The following KALRN variants were observed in gnomAD, a reference collection of about 807,000 sequenced individuals.
KALRN encodes kalirin RhoGEF kinase, also known as kalirin.
A neutral mutation model predicts 353.7 loss-of-function variants in KALRN; 70 were observed. The ratio of observed to expected loss-of-function variants is 0.20; its 90% CI spans 0.16 to 0.24. KALRN has a LOEUF of 0.24. KALRN is among the 10% of genes least tolerant of loss of function. The probability of loss-of-function intolerance (pLI) is 1.00; values close to 1 mark genes in which losing one functional copy is unlikely to be tolerated. For synonymous variants in KALRN, 1,391 were observed against 1,434.8 expected (o/e 0.97, Z 0.69); for missense variants, 2,791 against 3,756.7 (o/e 0.74, Z 6.72).
chr3:124,559,550 GA>G (rs1483096114), intron 33 of KALRN, among the ~76,000 whole-genome samples: 1 of 152,196 alleles, frequency 6.6e-6, no homozygotes, highest in Non-Finnish European at 1.5e-5. Flanking sequence ...AGTAAGATGA[GA>G]GAAGATTCCA....
intron 1 of KALRN, chr3:124,162,534 A>C (rs985652898): frequency 7.9e-5 from 12 of 152,200 alleles, no homozygotes; most frequent in African/African-American, 2.9e-4. Context: ...TTAAATCACA[A>C]ATCCCTGCTC....
intron 1 of KALRN, among the ~76,000 whole-genome samples, chr3:124,111,973 G>A (rs1388625507): frequency 1.3e-5 from 2 of 151,884 alleles, no homozygotes; most frequent in East Asian, 3.9e-4. Flanking sequence ...CCTGGTAGAG[G>A]TGGGCTGCAG....
At chr3:124,084,372 C>T (rs2060698090) in intron 1 of KALRN, among the ~76,000 whole-genome samples, 1 of 152,200 alleles carries the variant, frequency 6.6e-6, no homozygotes, top group African/African-American at 2.4e-5. Flanking sequence ...CCCAACTTTG[C>T]CCCAAGCTTC....
intron 33 of KALRN, among the ~76,000 whole-genome samples, chr3:124,559,131 G>C (rs2071629817): frequency 6.6e-6 from 1 of 152,228 alleles, no homozygotes; most frequent in Non-Finnish European, 1.5e-5. Context: ...TATGTATGTA[G>C]CGGTCCATGC....
chr3:124,186,822 C>A (rs1184635991), intron 1 of KALRN, among the ~76,000 whole-genome samples: 2 of 152,180 alleles, frequency 1.3e-5, no homozygotes, highest in Non-Finnish European at 2.9e-5. Context: ...GCTCCTGAGG[C>A]CTCATCAGTC....
chr3:124,487,925 C>T (rs547959251), intron 28 of KALRN, among the ~76,000 whole-genome samples: 4 of 152,196 alleles, frequency 2.6e-5, no homozygotes, highest in African/African-American at 7.2e-5. Context: ...AGTCCAGTGA[C>T]AGAGAATGCC....
chr3:124,212,316 TA>T (rs879400421), intron 1 of KALRN, among the ~76,000 whole-genome samples: 277 of 145,280 alleles, frequency 1.9e-3, no homozygotes, highest in Non-Finnish European at 1.7e-3. Context: ...TTCAGAAGGT[TA>T]AAAAAAAAAA....
chr3:124,264,871 G>A (rs985735542), intron 4 of KALRN, among the ~76,000 whole-genome samples, 181 bp downstream of exon 4: 1 of 152,168 alleles, frequency 6.6e-6, no homozygotes, highest in Non-Finnish European at 1.5e-5. Context: ...AGAGGCTCAC[G>A]AGATTGTCCC....
Position 124,584,552 on chromosome 3 carries a change from G to A in KALRN, c.5182+21463G>A, listed in dbSNP as rs2074936416. On this transcript the variant is annotated intron_variant, in intron 34 of 59. Transcript: ENST00000682506. ...TGGTGCCACAGGCAGCGTTACATGA[G>A]GCTCCGGCCGCTGCTGGCCAGGTCT... is the stretch of plus-strand genomic sequence containing the variant. The A allele has an allele frequency of 5.0e-6, 6 of 1,206,952 alleles. No homozygotes were observed. In the East Asian group the frequency reaches 1.9e-4, roughly 39 times the overall value. 74.8% of individuals were successfully genotyped at this position (1,206,952 alleles called of 1,614,324 possible). A position where few individuals can be genotyped will look rare whatever the true frequency, so the allele number is the denominator to read the frequency against.
At chr3:124,071,852 A>T (rs1406446047) in intron 1 of KALRN, among the ~76,000 whole-genome samples, 1 of 152,216 alleles carries the variant, frequency 6.6e-6, no homozygotes, top group Non-Finnish European at 1.5e-5. Flanking sequence ...TTAAACCCAG[A>T]GAAAGAGAGC....
At chr3:124,428,522 C>A (rs915701091) in intron 15 of KALRN, among the ~76,000 whole-genome samples, 10 of 152,100 alleles carry the variant, frequency 6.6e-5, no homozygotes, top group African/African-American at 2.4e-4. Context: ...TTTCTGACTC[C>A]AAATTTTATG....
chr3:124,114,063 G>A (rs892204714), intron 1 of KALRN, among the ~76,000 whole-genome samples: 5 of 152,118 alleles, frequency 3.3e-5, no homozygotes, highest in Non-Finnish European at 7.3e-5. Flanking sequence ...TAAGAGAAAG[G>A]GTTAAAAGGC....
chr3:124,644,563 G>A (rs1053964956), intron 37 of KALRN, among the ~76,000 whole-genome samples: 6 of 151,974 alleles, frequency 3.9e-5, no homozygotes, highest in Admixed American at 3.9e-4. Flanking sequence ...ACTTATGAGT[G>A]AGAACATGCA....
intron 1 of KALRN, among the ~76,000 whole-genome samples, chr3:124,202,406 A>G (rs988190993): frequency 6.6e-6 from 1 of 152,132 alleles, no homozygotes; most frequent in African/African-American, 2.4e-5. Flanking sequence ...GCGTGCCACC[A>G]TGCCCAGCTA....
intron 1 of KALRN, among the ~76,000 whole-genome samples, chr3:124,079,443 TTTA>T (rs962622088): frequency 1.3e-5 from 2 of 152,206 alleles, no homozygotes. Context: ...GTTCTCTTAT[TTTA>T]TTATTTTATT....
At chr3:124,712,870 T>G in intron 57 of KALRN, 65 bp from the exon 58 acceptor site, 5 of 1,170,788 alleles carry the variant, frequency 4.3e-6, no homozygotes, top group Non-Finnish European at 6.2e-6. Flanking sequence ...ACTTTACTTA[T>G]CCATGAATAA....
chr3:124,351,883 C>T (rs924621627), intron 10 of KALRN, among the ~76,000 whole-genome samples: 1 of 152,180 alleles, frequency 6.6e-6, no homozygotes, highest in African/African-American at 2.4e-5. Context: ...GCAGATGGCA[C>T]TCTTTGAATG....
chr3:124,690,924 C>G (rs917586809), intron 51 of KALRN, among the ~76,000 whole-genome samples: 1 of 152,170 alleles, frequency 6.6e-6, no homozygotes, highest in Non-Finnish European at 1.5e-5. Context: ...GCGAATAAGA[C>G]TTAATTACTG....
At chr3:124,215,988 C>T (rs1271265037) in intron 1 of KALRN, among the ~76,000 whole-genome samples, 1 of 152,198 alleles carries the variant, frequency 6.6e-6, no homozygotes, top group Non-Finnish European at 1.5e-5. Flanking sequence ...GTCATCCCTC[C>T]AATGGCGGGG....
Sources: allele counts gnomAD v4.1 joint callset (sites outside exome capture counted in the v4.1 genomes callset), GRCh38; gene constraint gnomAD v4.1.1; transcripts MANE v1.5; gene names NCBI Gene and HGNC (gene_info 2026-07-23, HGNC 2026-07-21).